The following PARVB variants were observed in gnomAD, a reference collection of about 807,000 sequenced individuals.
The protein encoded by PARVB is parvin beta.
Under a neutral mutation model 47.0 loss-of-function variants are expected in PARVB, and 46 were observed. The ratio of observed to expected loss-of-function variants is 0.98; its 90% CI spans 0.77 to 1.25. The LOEUF (loss-of-function observed/expected upper bound fraction) is 1.25. PARVB is among the 50% of genes most tolerant of loss of function. The pLI is 0.00. For missense variants in PARVB, 473 were observed against 471.6 expected (o/e 1.00, Z -0.03); for synonymous variants, 196 against 196.3 (o/e 1.00, Z 0.01).
In PARVB at chr22:44,049,103, G is replaced by A. The variant is rs1008959; in HGVS notation, c.112+24652G>A. On this transcript the variant is annotated intron_variant, in intron 1 of 12. Coordinates refer to ENST00000338758, the MANE Select transcript of PARVB (RefSeq NM_013327.5). The surrounding 1 kb of genome is among the most constrained non-coding windows in gnomAD (Gnocchi z 4.0). ...TCCGGCTCCAGGGCTGGTGCCCTCTGTCCTGTGCCACTTCCCCTGCAAAAT... is the reference window on the plus strand; with the variant it reads ...TCCGGCTCCAGGGCTGGTGCCCTCTATCCTGTGCCACTTCCCCTGCAAAAT... 0.021 allele frequency among the ~76,000 whole-genome samples: 3,155 copies of A among 152,262 alleles called. 122 individuals carry two copies. The highest frequency in any genetic ancestry group is 0.072 in the African/African-American group (3,004 of 41,544).
intron 2 of PARVB, 121 bp from the exon 3 acceptor site, chr22:44,099,932 C>T (rs2052401353): frequency 1.3e-6 from 1 of 779,106 alleles, no homozygotes; most frequent in Non-Finnish European, 2.2e-6. Context: ...TGCAGTCACC[C>T]TCCCCTAGTG....
At chr22:44,134,616 C>T (rs551686696) in intron 6 of PARVB, among the ~76,000 whole-genome samples, 8 of 152,268 alleles carry the variant, frequency 5.3e-5, no homozygotes, top group South Asian at 2.1e-4. Context: ...TCCTGTGAAC[C>T]GGGCGCAGTT....
At chr22:44,112,418 CA>C (rs1455345017) in intron 3 of PARVB, 2 of 152,648 alleles carry the variant, frequency 1.3e-5, no homozygotes, top group African/African-American at 4.8e-5. Context: ...CCACTCCTGT[CA>C]CTATCAGTCC....
rs62226423 is a variant in PARVB, at chr22:44,072,644, G to A, written c.113-21284G>A. On this transcript the variant is annotated intron_variant, in intron 1 of 12. Coordinates refer to ENST00000338758, the MANE Select transcript of PARVB (RefSeq NM_013327.5). Reference sequence around the variant, plus strand: ...TTAATGGAGACGGGGGCTTCACCATGTTGGCCAGACTTGTCTCGAACTCCT... The same window carrying A: ...TTAATGGAGACGGGGGCTTCACCATATTGGCCAGACTTGTCTCGAACTCCT... Among the ~76,000 whole-genome samples, 8 of 152,178 alleles carry A rather than the reference G, an allele frequency of 5.3e-5. No individual in the cohort carries two copies. In the South Asian group the frequency reaches 6.2e-4, roughly 12 times the overall value.
intron 4 of PARVB, among the ~76,000 whole-genome samples, chr22:44,122,702 G>T (rs1424675960): frequency 6.6e-6 from 1 of 151,882 alleles, no homozygotes; most frequent in Non-Finnish European, 1.5e-5. Flanking sequence ...TTACAAAAAT[G>T]TCCATATACA....
chr22:44,026,331 A>C, intron 1 of PARVB: 2 of 985,516 alleles, frequency 2.0e-6, no homozygotes, highest in Non-Finnish European at 2.4e-6. Flanking sequence ...TGGAGGCAGG[A>C]GGAGGAGCAG....
intron 9 of PARVB, chr22:44,149,420 GA>G (rs1408703457): frequency 1.3e-5 from 2 of 152,192 alleles, no homozygotes; most frequent in Non-Finnish European, 2.9e-5. Flanking sequence ...CTGTGCCCCA[GA>G]ATGAAGTCAG....
At chr22:44,061,836 C>T (rs527737897) in intron 1 of PARVB, among the ~76,000 whole-genome samples, 2 of 152,092 alleles carry the variant, frequency 1.3e-5, no homozygotes, top group African/African-American at 4.8e-5. Context: ...AGGCTGGTCT[C>T]GAACTCCTGA....
chr22:44,147,492 C>T (rs1944934487), intron 8 of PARVB: 1 of 370,004 alleles, frequency 2.7e-6, no homozygotes, highest in African/African-American at 2.1e-5. Context: ...TGACATTTGC[C>T]AGTAGACAAG....
chr22:44,146,437 C>CGCACACACACGCTCACAT (rs2053684975), intron 8 of PARVB: 1 of 152,222 alleles, frequency 6.6e-6, no homozygotes, highest in East Asian at 1.9e-4. Context: ...CATGCTCACA[C>CGCACACACACGCTCACAT]GCGCACACAC....
intron 7 of PARVB, among the ~76,000 whole-genome samples, chr22:44,138,193 C>T (rs56198594): frequency 5.9e-5 from 9 of 152,140 alleles, no homozygotes; most frequent in Admixed American, 2.0e-4. Context: ...TCCTCCAGGG[C>T]GACCCATCCT....
chr22:44,094,058 C>A, intron 2 of PARVB, 41 bp downstream of exon 2: 1 of 1,278,430 alleles, frequency 7.8e-7, no homozygotes, highest in Non-Finnish European at 1.1e-6. Context: ...GACAGTTGAG[C>A]TTCCGTGGCA....
At chr22:44,123,489 C>T (rs186898354) in intron 4 of PARVB, among the ~76,000 whole-genome samples, 73 of 152,310 alleles carry the variant, frequency 4.8e-4, no homozygotes, top group Non-Finnish European at 9.6e-4. Flanking sequence ...TCATGGCTCA[C>T]TGCAGCTTCC....
At chr22:44,151,601 T>C (rs751711762) in intron 10 of PARVB, 50 bp downstream of exon 10, 4 of 1,446,524 alleles carry the variant, frequency 2.8e-6, no homozygotes, top group Non-Finnish European at 3.9e-6. Context: ...CCATTTTCAG[T>C]CAGTGTTTTG....
rs754343533 is a variant in PARVB, at chr22:44,136,479, A to C, written c.653A>C (p.His218Pro). 12 of 1,613,744 alleles carry C rather than the reference A, an allele frequency of 7.4e-6. No homozygotes were observed. The highest frequency in any genetic ancestry group is 1.0e-5 in the Non-Finnish European group (12 of 1,179,862). Residue 218 changes from histidine (H) to proline (P), a missense_variant, in exon 7 of 13, where the codon CAT becomes CCT. Coordinates refer to ENST00000338758, the MANE Select transcript of PARVB (RefSeq NM_013327.5). ...TTTCAGAAACGGGAAGGCCTGCTGC[A>C]TTCCAGCCACATCTCGGAGGAGCTG... ...VVVRKREGLL[H>P]SSHISEELTT... is the part of the protein sequence containing the mutation.
At position 44,073,419 on chromosome 22, in the gene PARVB, A is replaced by G. The variant is rs1308987617; in HGVS notation, c.113-20509A>G. On this transcript the variant is annotated intron_variant, in intron 1 of 12. Coordinates refer to ENST00000338758, the MANE Select transcript of PARVB (RefSeq NM_013327.5). The stretch of plus-strand genomic sequence containing the variant: ...TGAGGCAGGAGAATCACTTGAACCC[A>G]GGAGGCAGAGGTTGCGGTGAGCGGA... 5.9e-5 allele frequency among the ~76,000 whole-genome samples: 9 copies of G among 152,210 alleles called. No individual in the cohort carries two copies. In the South Asian group the frequency reaches 1.7e-3, roughly 28 times the overall value.
At chr22:44,024,862 C>T (rs1018816896) in intron 1 of PARVB, among the ~76,000 whole-genome samples, 1 of 152,176 alleles carries the variant, frequency 6.6e-6, no homozygotes, top group African/African-American at 2.4e-5. Flanking sequence ...CTGGGGGACC[C>T]ACTACTGGGT....
chr22:44,033,255 T>C (rs2050856870), intron 1 of PARVB, among the ~76,000 whole-genome samples: 1 of 152,182 alleles, frequency 6.6e-6, no homozygotes, highest in Admixed American at 6.5e-5. Context: ...TTGGCCAGGC[T>C]GATCTCAAAC....
intron 1 of PARVB, among the ~76,000 whole-genome samples, chr22:44,083,483 C>T (rs2051954810): frequency 6.6e-6 from 1 of 152,108 alleles, no homozygotes; most frequent in African/African-American, 2.4e-5. Flanking sequence ...TTGTCATTGT[C>T]ATGTGCACGG....
Sources: allele counts gnomAD v4.1 joint callset (sites outside exome capture counted in the v4.1 genomes callset), GRCh38; gene constraint gnomAD v4.1.1; non-coding constraint Gnocchi (gnomAD v3.1); transcripts MANE v1.5; gene names NCBI Gene and HGNC (gene_info 2026-07-23, HGNC 2026-07-21).